The following PHLPP2 variants were observed in gnomAD, a reference collection of about 807,000 sequenced individuals.
PHLPP2 encodes PH domain and leucine rich repeat protein phosphatase 2.
Under a neutral mutation model 124.9 loss-of-function variants are expected in PHLPP2, and 66 were observed. That is an observed-to-expected ratio of 0.53 (90% CI 0.43 to 0.65). The LOEUF (loss-of-function observed/expected upper bound fraction) is 0.65. Among genes scored for constraint, PHLPP2 ranks in the 30% least tolerant of loss-of-function variants. The pLI is 0.00. For synonymous variants in PHLPP2, 681 were observed against 624.7 expected, an observed-to-expected ratio of 1.09 and a Z score of -1.34; for missense variants, 1,685 against 1,600.4, an observed-to-expected ratio of 1.05 and a Z score of -0.90.
intron 1 of PHLPP2, among the ~76,000 whole-genome samples, chr16:71,715,714 C>T: frequency 6.6e-6 from 1 of 150,654 alleles, no homozygotes; most frequent in East Asian, 2.0e-4. Context: ...CAAGGTGGCT[C>T]ACACCTGTAA....
At chr16:71,699,339 T>C (rs957025544) in intron 3 of PHLPP2, among the ~76,000 whole-genome samples, 1 of 152,126 alleles carries the variant, frequency 6.6e-6, no homozygotes, top group South Asian at 2.1e-4. Context: ...AATGTTGCCT[T>C]TTCCAAAACT....
chr16:71,646,676 T>A lies in PHLPP2; in HGVS notation c.*2214A>T, dbSNP rs1275094784. The A allele has an allele frequency of 1.7e-5, 2 of 117,766 alleles. No homozygotes were observed. The highest frequency in any genetic ancestry group is 3.9e-5 in the Non-Finnish European group (2 of 51,072). 7.3% of individuals were successfully genotyped at this position (117,766 alleles called of 1,614,324 possible). A position where few individuals can be genotyped will look rare whatever the true frequency, so the allele number is the denominator to read the frequency against. On this transcript the variant is annotated 3_prime_UTR_variant, in exon 19 of 19. Coordinates refer to ENST00000568954, the MANE Select transcript of PHLPP2 (RefSeq NM_015020.3). The stretch of plus-strand genomic sequence containing the variant: ...TTTACATCACTCATCACTATCATCC[T>A]GTTATTTCATTTTCATTTTTTCTTC...
At chr16:71,673,450 G>A (rs1473910399) in intron 9 of PHLPP2, among the ~76,000 whole-genome samples, 1 of 152,100 alleles carries the variant, frequency 6.6e-6, no homozygotes, top group Non-Finnish European at 1.5e-5. Context: ...TATATTAACT[G>A]ATCACATTTA....
intron 10 of PHLPP2, among the ~76,000 whole-genome samples, chr16:71,671,777 G>A (rs1019632761): frequency 6.6e-6 from 1 of 151,918 alleles, no homozygotes; most frequent in African/African-American, 2.4e-5. Flanking sequence ...AGCCAGGCGT[G>A]GTGGTGGGCG....
rs1218012858 is a variant in PHLPP2, at chr16:71,702,587, T to G, written c.418+11A>C. ...AGTAGTTAACATACAAAGCCACTGA[T>G]AAATTCTTACCACCATAAAATCGAA... On this transcript the variant is annotated intron_variant, in intron 3 of 18. Transcript: ENST00000568954. 3 of 1,605,988 alleles carry G rather than the reference T, an allele frequency of 1.9e-6. No homozygotes were observed. In the African/African-American group the frequency reaches 4.0e-5, roughly 21 times the overall value.
chr16:71,645,301 C>T lies in PHLPP2; in HGVS notation c.*3589G>A, dbSNP rs1058747. 44,059 of 153,384 alleles carry T rather than the reference C, an allele frequency of 0.29. 8,209 individuals are homozygous for T. Among genetic ancestry groups the T allele is most frequent in the East Asian group, 0.74 (3,813 of 5,172 alleles). The allele number at this position is 153,384 out of a possible 1,614,324, so 9.5% of individuals were successfully genotyped here. ...CTGCTTTTTCTCAATCTAGGAAGTG[C>T]TTACCCCAACTATGGGGCAAAAGTC... On this transcript the variant is annotated 3_prime_UTR_variant, in exon 19 of 19. Coordinates refer to ENST00000568954, the MANE Select transcript of PHLPP2 (RefSeq NM_015020.3).
At chr16:71,655,166 T>C (rs1224788095) in intron 17 of PHLPP2, 74 bp downstream of exon 17, 6 of 975,992 alleles carry the variant, frequency 6.1e-6, no homozygotes, top group Non-Finnish European at 9.8e-6. Context: ...ATTTAGACCC[T>C]GACCTTCTGG....
rs1192077224 is a variant in PHLPP2 at position 71,645,922 on chromosome 16, T to C, written c.*2968A>G. 6.6e-6 allele frequency: 1 copy of C among 152,492 alleles called. No individual in the cohort carries two copies. Among genetic ancestry groups the C allele is most frequent in the African/African-American group, 2.4e-5 (1 of 41,464 alleles). The allele number at this position is 152,492 out of a possible 1,614,324, so 9.4% of individuals were successfully genotyped here. On this transcript the variant is annotated 3_prime_UTR_variant, in exon 19 of 19. Coordinates refer to ENST00000568954, the MANE Select transcript of PHLPP2 (RefSeq NM_015020.3). ...TACACCATGGCTGCCAAGACACATGTATTTTTCTTTCTTCCATGGACTCCT... is the reference window on the plus strand; with the variant it reads ...TACACCATGGCTGCCAAGACACATGCATTTTTCTTTCTTCCATGGACTCCT...
intron 13 of PHLPP2, among the ~76,000 whole-genome samples, chr16:71,659,157 G>T (rs973783973): frequency 6.6e-6 from 1 of 151,866 alleles, no homozygotes; most frequent in Admixed American, 6.6e-5. Context: ...ACTAACTAGC[G>T]GCAAAATACT....
chr16:71,719,521 C>A (rs1567632192), intron 1 of PHLPP2, among the ~76,000 whole-genome samples: 2 of 152,038 alleles, frequency 1.3e-5, no homozygotes, highest in Non-Finnish European at 2.9e-5. Flanking sequence ...GCGTGGGCTA[C>A]ACAATGAGGC....
chr16:71,650,084 C>T (rs371257120), intron 18 of PHLPP2, 40 bp from the exon 19 acceptor site: 48 of 1,479,324 alleles, frequency 3.2e-5, no homozygotes, highest in African/African-American at 2.2e-4. Context: ...AAACAAGCAA[C>T]GATGAGAGCC....
At chr16:71,684,633 A>AC in intron 4 of PHLPP2, 32 bp from the exon 5 acceptor site, 1 of 1,556,434 alleles carries the variant, frequency 6.4e-7, no homozygotes, top group Non-Finnish European at 8.7e-7. Context: ...AACCAGAACC[A>AC]CTAAAAAAAA....
At chr16:71,703,000 T>A (rs2045246338) in intron 2 of PHLPP2, among the ~76,000 whole-genome samples, 1 of 152,190 alleles carries the variant, frequency 6.6e-6, no homozygotes, top group Non-Finnish European at 1.5e-5. Context: ...CACACTCTAT[T>A]ATTTAGCTAC....
intron 2 of PHLPP2, among the ~76,000 whole-genome samples, chr16:71,705,468 A>C (rs2045266559): frequency 6.6e-6 from 1 of 152,066 alleles, no homozygotes; most frequent in African/African-American, 2.4e-5. Flanking sequence ...GGCTCTGTAG[A>C]TTTTGGAAAC....
chr16:71,646,357 A>C lies in PHLPP2; in HGVS notation c.*2533T>G, dbSNP rs2044653366. The C allele has an allele frequency of 6.6e-6, 1 of 152,248 alleles. No individual in the cohort carries two copies. The highest frequency in any genetic ancestry group is 1.5e-5 in the Non-Finnish European group (1 of 68,044). 9.4% of individuals were successfully genotyped at this position (152,248 alleles called of 1,614,324 possible). ...GTATCGCCTATAACAAAGATTTTCA[A>C]TACAACCTAATGGTTCCTGAAAAAA... On this transcript the variant is annotated 3_prime_UTR_variant, in exon 19 of 19. Transcript: ENST00000568954.
At chr16:71,701,924 T>C (rs1310355045) in intron 3 of PHLPP2, among the ~76,000 whole-genome samples, 2 of 152,194 alleles carry the variant, frequency 1.3e-5, no homozygotes, top group African/African-American at 2.4e-5. Context: ...GGAAAACACA[T>C]AGTACATATA....
chr16:71,686,209 T>C (rs1443661545), intron 4 of PHLPP2, among the ~76,000 whole-genome samples: 3 of 152,172 alleles, frequency 2.0e-5, no homozygotes, highest in Admixed American at 6.5e-5. Context: ...CAGGCCACTC[T>C]TCACCCAGGC....
Position 71,678,867 on chromosome 16 carries a change from C to T in PHLPP2, c.1156G>A (p.Val386Ile). The T allele has an allele frequency of 1.2e-6, 2 of 1,611,902 alleles. No individual in the cohort carries two copies. The highest frequency in any genetic ancestry group is 1.7e-6 in the Non-Finnish European group (2 of 1,178,050). The change falls in exon 8 of 19, where the codon GTT becomes ATT. Residue 386 changes from valine (V) to isoleucine (I), a missense_variant. Physicochemically the swap from Val to Ile is conservative, Grantham distance 29. Coordinates refer to ENST00000568954, the MANE Select transcript of PHLPP2 (RefSeq NM_015020.3). ...SFNNFSQIPE[V>I]YEKLTMLDRV... ...TCTAACATAGTGAGTTTCTCATAAA[C>T]CTCAGGAATTTGACTAAAGTTGTTG... is the stretch of plus-strand genomic sequence containing the variant.
chr16:71,652,329 C>G (rs2044702506), intron 18 of PHLPP2, among the ~76,000 whole-genome samples: 1 of 152,160 alleles, frequency 6.6e-6, no homozygotes, highest in African/African-American at 2.4e-5. Context: ...AGGAGAAAAG[C>G]TATAAAACAG....
Sources: allele counts gnomAD v4.1 joint callset (sites outside exome capture counted in the v4.1 genomes callset), GRCh38; gene constraint gnomAD v4.1.1; transcripts MANE v1.5; gene names NCBI Gene and HGNC (gene_info 2026-07-23, HGNC 2026-07-21).